NALCN: variants seen among roughly 807,000 people sequenced by gnomAD.
NALCN encodes sodium leak channel NALCN.
In NALCN, 111 loss-of-function variants were observed where a neutral mutation model predicts 225.3. The observed-to-expected ratio is 0.49, with a 90% CI of 0.42 to 0.58. The LOEUF (loss-of-function observed/expected upper bound fraction) is 0.58. NALCN is among the 20% of genes least tolerant of loss of function. NALCN has a pLI of 0.00. For missense variants in NALCN, 1,378 were observed against 2,202.4 expected (o/e 0.63, Z 7.49); for synonymous variants, 764 against 769.0 (o/e 0.99, Z 0.11).
chr13:101,283,409 C>T (rs930672233), intron 10 of NALCN, among the ~76,000 whole-genome samples: 1 of 152,144 alleles, frequency 6.6e-6, no homozygotes, highest in African/African-American at 2.4e-5. Flanking sequence ...ACGTGAGACT[C>T]CATCTTCTAA....
At chr13:101,257,348 G>A (rs2042272150) in intron 11 of NALCN, among the ~76,000 whole-genome samples, 1 of 151,708 alleles carries the variant, frequency 6.6e-6, no homozygotes, top group Non-Finnish European at 1.5e-5. Flanking sequence ...CTTCCATGAA[G>A]AGGAGAATTC....
At chr13:101,360,253 T>A (rs1001074071) in intron 6 of NALCN, among the ~76,000 whole-genome samples, 1 of 145,146 alleles carries the variant, frequency 6.9e-6, no homozygotes, top group Non-Finnish European at 1.5e-5. Flanking sequence ...CTTCCTTCGA[T>A]GGAGTTTCAC....
At chr13:101,073,721 G>T in intron 36 of NALCN, 44 bp from the exon 37 acceptor site, 1 of 1,529,860 alleles carries the variant, frequency 6.5e-7, no homozygotes, top group South Asian at 1.1e-5. Context: ...ATTATAGAAG[G>T]GTTTGTCATG....
rs986928814 is a variant in NALCN, at chr13:101,098,365, T to C, written c.3162+2419A>G. 4.6e-5 allele frequency among the ~76,000 whole-genome samples: 7 copies of C among 152,310 alleles called. No individual in the cohort carries two copies. The East Asian group carries it at 1.4e-3, about 29-fold the overall frequency. ...AAACAGAAGCAAGGACCTCCTAATG[T>C]TTCCCTTCCACATTTCATTTCACCT... On this transcript the variant is annotated intron_variant, in intron 27 of 43. Transcript: ENST00000251127.
intron 14 of NALCN, among the ~76,000 whole-genome samples, chr13:101,177,203 C>A (rs1301970649): frequency 6.6e-6 from 1 of 152,124 alleles, no homozygotes; most frequent in Non-Finnish European, 1.5e-5. Flanking sequence ...TAGACAACAT[C>A]TCAACTGCAA....
chr13:101,149,121 G>A (rs935283934), intron 15 of NALCN, among the ~76,000 whole-genome samples: 18 of 152,060 alleles, frequency 1.2e-4, no homozygotes, highest in Non-Finnish European at 2.2e-4. Context: ...GTGAAACCCC[G>A]TCTCTGCTAA....
At chr13:101,172,719 G>C (rs772412417) in intron 15 of NALCN, among the ~76,000 whole-genome samples, 2 of 149,468 alleles carry the variant, frequency 1.3e-5, no homozygotes, top group Non-Finnish European at 3.0e-5. Flanking sequence ...GCCACCACGC[G>C]CAGCTAATTT....
At position 101,399,454 on chromosome 13, in the gene NALCN, T is replaced by C. The variant is rs530303059; in HGVS notation, c.-39-289A>G. ...AATGGGTTGCTTCTTAGGGCAGACA[T>C]ATTCTTGGGAAAATCTTTTTAGATG... On this transcript the variant is annotated intron_variant, in intron 1 of 43. Transcript: ENST00000251127. Among the ~76,000 whole-genome samples, 294 of 152,302 alleles carry C rather than the reference T, an allele frequency of 1.9e-3. 1 individual carries two copies. The highest frequency in any genetic ancestry group is 6.9e-3 in the African/African-American group (286 of 41,568).
chr13:101,266,606 G>A lies in NALCN; in HGVS notation c.1135-8032C>T, dbSNP rs532564804. On this transcript the variant is annotated intron_variant, in intron 10 of 43. Coordinates refer to ENST00000251127, the MANE Select transcript of NALCN (RefSeq NM_052867.4). ...AAACAACTCAACTTAGTAAAACAAA[G>A]TCTCCTCCACTGAATACTGCATCAG... 1.2e-4 allele frequency among the ~76,000 whole-genome samples: 19 copies of A among 152,226 alleles called. No individual in the cohort carries two copies. In the South Asian group the frequency reaches 3.1e-3, roughly 25 times the overall value.
At chr13:101,295,927 A>T (rs1400157056) in intron 7 of NALCN, among the ~76,000 whole-genome samples, 1 of 152,166 alleles carries the variant, frequency 6.6e-6, no homozygotes, top group Non-Finnish European at 1.5e-5. Context: ...AATCAAATGT[A>T]TGTTCCTTTC....
chr13:101,212,881 T>C (rs2040579577), intron 13 of NALCN, among the ~76,000 whole-genome samples: 1 of 152,126 alleles, frequency 6.6e-6, no homozygotes, highest in Admixed American at 6.6e-5. Flanking sequence ...CCAAGGTAAT[T>C]TATAGATTCA....
intron 1 of NALCN, among the ~76,000 whole-genome samples, chr13:101,414,847 A>G (rs768502790): frequency 1.4e-4 from 21 of 152,224 alleles, no homozygotes; most frequent in African/African-American, 3.6e-4. Flanking sequence ...TATGTCTTCT[A>G]TGAACACAGA....
intron 10 of NALCN, among the ~76,000 whole-genome samples, chr13:101,279,478 C>G (rs1397454632): frequency 6.6e-6 from 1 of 152,144 alleles, no homozygotes; most frequent in Non-Finnish European, 1.5e-5. Context: ...AATTTTATTT[C>G]CATATTAATT....
intron 15 of NALCN, among the ~76,000 whole-genome samples, chr13:101,169,303 T>C (rs1460113489): frequency 6.6e-6 from 1 of 152,226 alleles, no homozygotes; most frequent in Non-Finnish European, 1.5e-5. Context: ...TCAGTTGATC[T>C]CAGCCTATCT....
intron 28 of NALCN, 144 bp from the exon 29 acceptor site, chr13:101,090,110 G>T (rs905074767): frequency 4.8e-5 from 56 of 1,171,874 alleles, no homozygotes; most frequent in Non-Finnish European, 6.6e-5. Flanking sequence ...ACACGTGTGC[G>T]TGCACACACA....
At chr13:101,111,289 T>C in intron 18 of NALCN, 63 bp from the exon 19 acceptor site, 1 of 1,335,286 alleles carries the variant, frequency 7.5e-7, no homozygotes, top group Non-Finnish European at 1.0e-6. Context: ...GAATAACACA[T>C]AAGTGCTCAT....
chr13:101,261,269 T>G (rs1399110005), intron 10 of NALCN, among the ~76,000 whole-genome samples: 1 of 152,226 alleles, frequency 6.6e-6, no homozygotes, highest in Admixed American at 6.5e-5. Flanking sequence ...ACTGTAGCTT[T>G]GAATTATAAA....
intron 7 of NALCN, among the ~76,000 whole-genome samples, chr13:101,315,929 C>T (rs1242261650): frequency 6.6e-6 from 1 of 152,026 alleles, no homozygotes; most frequent in East Asian, 1.9e-4. Context: ...GATCTGTCTT[C>T]AGTGCCAAAA....
At chr13:101,131,626 A>C (rs532537015) in intron 17 of NALCN, among the ~76,000 whole-genome samples, 6 of 152,230 alleles carry the variant, frequency 3.9e-5, no homozygotes, top group African/African-American at 1.4e-4. Flanking sequence ...AATGGAGCAA[A>C]GAAGATGTTC....
Sources: allele counts gnomAD v4.1 joint callset (sites outside exome capture counted in the v4.1 genomes callset), GRCh38; gene constraint gnomAD v4.1.1; transcripts MANE v1.5; gene names NCBI Gene and HGNC (gene_info 2026-07-23, HGNC 2026-07-21).